The following COL6A5 variants were observed in gnomAD, a reference collection of about 807,000 sequenced individuals.
The protein encoded by COL6A5 is collagen type VI alpha 5 chain, also known as collagen alpha-5(VI) chain.
In COL6A5, 48 loss-of-function variants were observed where a neutral mutation model predicts 65.6. That is an observed-to-expected ratio of 0.73 (90% CI 0.58 to 0.93). The LOEUF (loss-of-function observed/expected upper bound fraction) is 0.93, where lower values mean the gene tolerates loss of function less well. Among genes scored for constraint, COL6A5 ranks in the 40% least tolerant of loss-of-function variants. The pLI is 0.00. For synonymous variants in COL6A5, 291 were observed against 322.8 expected, an observed-to-expected ratio of 0.90 and a Z score of 1.05; for missense variants, 914 against 928.3, an observed-to-expected ratio of 0.98 and a Z score of 0.20.
chr3:130,458,671 GA>G (rs1261164822), intron 5 of COL6A5, among the ~76,000 whole-genome samples: 1 of 152,086 alleles, frequency 6.6e-6, no homozygotes, highest in African/African-American at 2.4e-5. Context: ...ATAGAAATGA[GA>G]ATTTGTGTTG....
At chr3:130,469,405 C>G (rs1476735696) in exon 6 of COL6A5, 1 of 1,612,868 alleles carries the variant, frequency 6.2e-7, no homozygotes, top group African/African-American at 1.3e-5. Context: ...ATCACTTGGT[C>G]CAACTTGGCC....
At chr3:130,405,074 A>C (rs1274612909) in intron 13 of COL6A5, among the ~76,000 whole-genome samples, 1 of 152,218 alleles carries the variant, frequency 6.6e-6, no homozygotes, top group South Asian at 2.1e-4. Context: ...GGATAGTCTG[A>C]CTTTGGGGGT....
chr3:130,385,452 G>C, intron 5 of COL6A5, 88 bp downstream of exon 5: 1 of 1,321,374 alleles, frequency 7.6e-7, no homozygotes, highest in Non-Finnish European at 1.0e-6. Flanking sequence ...GGCCTGATGT[G>C]ACCAGTTGTC....
rs775172557 is a variant in COL6A5 at position 130,398,012 on chromosome 3, A to G, written c.3910-18A>G. 17 of 1,546,710 alleles carry G rather than the reference A, an allele frequency of 1.1e-5. No homozygotes were observed. Among genetic ancestry groups the G allele is most frequent in the Non-Finnish European group, 1.5e-5 (17 of 1,144,158 alleles). On this transcript the variant is annotated intron_variant and NMD_transcript_variant, in intron 9 of 41. Transcript: ENST00000312481. ...ATATATTTAGCTTTTACACCATACC[A>G]TTTTCTTATTTCTCCAGGTGCTGCT...
chr3:130,403,551 A>C, intron 12 of COL6A5, 58 bp from the exon 13 acceptor site: 1 of 1,381,078 alleles, frequency 7.2e-7, no homozygotes, highest in Non-Finnish European at 9.7e-7. Context: ...ATGATTTCAC[A>C]AGTTTGACTT....
chr3:130,349,608 G>T (rs1206738204), intron 1 of COL6A5, among the ~76,000 whole-genome samples: 1 of 151,798 alleles, frequency 6.6e-6, no homozygotes, highest in Non-Finnish European at 1.5e-5. Flanking sequence ...GCCTAAGAAG[G>T]GTCTTGCAGG....
chr3:130,462,010 G>A (rs551492314), intron 5 of COL6A5, among the ~76,000 whole-genome samples: 3 of 152,110 alleles, frequency 2.0e-5, no homozygotes, highest in Admixed American at 2.0e-4. Context: ...AAAAAGACAT[G>A]AATTCTAAGT....
chr3:130,426,580 G>T (rs546963572), upstream of COL6A5, among the ~76,000 whole-genome samples: 7 of 152,028 alleles, frequency 4.6e-5, no homozygotes, highest in South Asian at 1.3e-3. Context: ...GAGGAAAGGG[G>T]GTATAAGTAA....
chr3:130,421,204 G>C lies in COL6A5; in HGVS notation c.5001+1G>C. 6.4e-7 allele frequency: 1 copy of C among 1,550,510 alleles called. No individual in the cohort carries two copies. The highest frequency in any genetic ancestry group is 8.7e-7 in the Non-Finnish European group (1 of 1,146,152). ...TCAGATGGGACGAAAAGGAGTAAAG[G>C]TAAATATGGAAATCAATTATTTTTA... On this transcript the variant is annotated splice_donor_variant and NMD_transcript_variant, in intron 26 of 41. Coordinates refer to the COL6A5 transcript ENST00000312481.
chr3:130,355,884 C>G (rs1934907196), intron 1 of COL6A5, among the ~76,000 whole-genome samples: 1 of 151,880 alleles, frequency 6.6e-6, no homozygotes, highest in African/African-American at 2.4e-5. Flanking sequence ...CACACACTAT[C>G]TACAATAGAT....
chr3:130,446,088 G>T (rs1348129922), intron 4 of COL6A5, among the ~76,000 whole-genome samples: 2 of 152,148 alleles, frequency 1.3e-5, no homozygotes, highest in Non-Finnish European at 2.9e-5. Flanking sequence ...AAGATAAACA[G>T]CCTGGACTTG....
chr3:130,390,098 A>C (rs1368758945), intron 6 of COL6A5, among the ~76,000 whole-genome samples: 1 of 152,196 alleles, frequency 6.6e-6, no homozygotes, highest in Non-Finnish European at 1.5e-5. Flanking sequence ...TCCCCCAAAG[A>C]TGGCAGTGAT....
At chr3:130,468,436 G>A (rs987570117) in intron 5 of COL6A5, among the ~76,000 whole-genome samples, 5 of 151,996 alleles carry the variant, frequency 3.3e-5, no homozygotes, top group Admixed American at 6.6e-5. Flanking sequence ...TAAATTTCAT[G>A]CACATGTGTA....
At position 130,455,601 on chromosome 3, in the gene COL6A5, CA is replaced by C. The variant is rs1425943921; in HGVS notation, c.1480del (p.Gln495LysfsTer3). ...TACCTTCCAAGCCAAATGTTTGAGC[CA>C]CAAAAATTAATGATCAATTATGAAA... On this transcript the variant is annotated frameshift_variant, in exon 5 of 8. Transcript: ENST00000512836. LOFTEE classifies it high-confidence loss of function. 6.2e-7 allele frequency: 1 copy of C among 1,613,040 alleles called. No individual in the cohort carries two copies. The highest frequency in any genetic ancestry group is 8.5e-7 in the Non-Finnish European group (1 of 1,179,432).
At chr3:130,443,533 TAGG>T in exon 4 of COL6A5, 1 of 1,611,196 alleles carries the variant, frequency 6.2e-7, no homozygotes, top group Non-Finnish European at 8.5e-7. Context: ...CTCATCAATT[TAGG>T]AGGAGAGAAT....
chr3:130,368,219 G>T (rs1162032071), intron 1 of COL6A5, among the ~76,000 whole-genome samples: 1 of 152,210 alleles, frequency 6.6e-6, no homozygotes, highest in Non-Finnish European at 1.5e-5. Flanking sequence ...CCCCAGAGTT[G>T]CTCAAATCAG....
chr3:130,461,100 G>A (rs1182501784), intron 5 of COL6A5, among the ~76,000 whole-genome samples: 1 of 151,994 alleles, frequency 6.6e-6, no homozygotes, highest in African/African-American at 2.4e-5. Context: ...TCTGAATTAA[G>A]CCCTGAAGTG....
At chr3:130,440,276 A>G in exon 3 of COL6A5, 1 of 1,607,850 alleles carries the variant, frequency 6.2e-7, no homozygotes, top group South Asian at 1.1e-5. Context: ...GGATGAGTTT[A>G]AGGCTGTGAA....
Position 130,403,591 on chromosome 3 carries a change from TTC to T in COL6A5, c.4228-12_4228-11del. 1 of 1,549,694 alleles carries T rather than the reference TTC, an allele frequency of 6.5e-7. No homozygotes were observed. The highest frequency in any genetic ancestry group is 1.2e-5 in the South Asian group (1 of 83,922). Reference sequence around the variant, plus strand: ...GGGGGGGGGTGACTAAAATGTATTGTTCTCTCTTTCTTCCCAGGGTTCTCAAG... The same window carrying T: ...GGGGGGGGGTGACTAAAATGTATTGTTCTCTTTCTTCCCAGGGTTCTCAAG... On this transcript the variant is annotated splice_polypyrimidine_tract_variant and intron_variant and NMD_transcript_variant, in intron 12 of 41. Transcript: ENST00000312481.
Sources: allele counts gnomAD v4.1 joint callset (sites outside exome capture counted in the v4.1 genomes callset), GRCh38; gene constraint gnomAD v4.1.1; transcripts MANE v1.5; gene names NCBI Gene and HGNC (gene_info 2026-07-23, HGNC 2026-07-21).